The following NFIB variants were observed in gnomAD, a reference collection of about 807,000 sequenced individuals.
NFIB encodes nuclear factor I B.
NFIB carries 11 observed loss-of-function variants against 61.5 expected under a neutral mutation model. The observed-to-expected ratio is 0.18, with a 90% confidence interval of 0.11 to 0.30. NFIB has a LOEUF of 0.30. Ranked by LOEUF, NFIB falls within the 10% of genes least tolerant of loss-of-function variation. The probability of loss-of-function intolerance (pLI) is 1.00; values close to 1 mark genes in which losing one functional copy is unlikely to be tolerated. For missense variants in NFIB, 471 were observed against 608.9 expected (o/e 0.77, Z 2.38); for synonymous variants, 260 against 216.5 (o/e 1.20, Z -1.76).
chr9:14,289,618 TAC>T (rs570142167), intron 2 of NFIB, among the ~76,000 whole-genome samples: 1 of 151,842 alleles, frequency 6.6e-6, no homozygotes, highest in South Asian at 2.1e-4. Flanking sequence ...CATACATACA[TAC>T]ACACACATAT....
Position 14,113,169 on chromosome 9 carries a change from G to T in NFIB, c.1385-88C>A, listed in dbSNP as rs1334135228. 2.5e-6 allele frequency: 3 copies of T among 1,210,066 alleles called. No homozygotes were observed. The East Asian group carries it at 8.7e-5, about 35-fold the overall frequency. The allele number at this position is 1,210,066 out of a possible 1,614,324, so 75.0% of individuals were successfully genotyped here. The stretch of plus-strand genomic sequence containing the variant: ...CATGTATAAGAAACCCAGAGAAGTG[G>T]GATTTGCAACCAAAAAAAAAAAGTG... On this transcript the variant is annotated intron_variant, in intron 9 of 10. Coordinates refer to ENST00000380953, the MANE Select transcript of NFIB (RefSeq NM_001190737.2).
intron 2 of NFIB, among the ~76,000 whole-genome samples, chr9:14,302,731 A>T (rs1056183578): frequency 6.6e-6 from 1 of 150,980 alleles, no homozygotes; most frequent in African/African-American, 2.5e-5. Context: ...GGCCAATCCC[A>T]CTCCCGCCCC....
chr9:14,145,991 T>G (rs980265831), intron 6 of NFIB, among the ~76,000 whole-genome samples: 1 of 152,204 alleles, frequency 6.6e-6, no homozygotes, highest in Non-Finnish European at 1.5e-5. Flanking sequence ...TTAGCTAATT[T>G]TTCTATTTCC....
At chr9:14,523,162 C>G in the NFIB span, among the ~76,000 whole-genome samples, 22 of 151,922 alleles carry the variant, frequency 1.4e-4, no homozygotes, top group African/African-American at 4.8e-4. Context: ...AAAAGTGGGT[C>G]ATAAGAGTAG....
intron 2 of NFIB, among the ~76,000 whole-genome samples, chr9:14,255,234 G>C (rs548845439): frequency 6.6e-6 from 1 of 152,028 alleles, no homozygotes; most frequent in African/African-American, 2.4e-5. Context: ...AAAAAAGAAA[G>C]AAAGAAAGAA....
chr9:14,394,714 G>T (rs2061662472), intron 1 of NFIB, among the ~76,000 whole-genome samples: 1 of 152,126 alleles, frequency 6.6e-6, no homozygotes, highest in African/African-American at 2.4e-5. Flanking sequence ...CCTTCAAATG[G>T]CTTCCATGTC....
At chr9:14,365,505 A>G (rs1231733452) in intron 1 of NFIB, among the ~76,000 whole-genome samples, 1 of 152,236 alleles carries the variant, frequency 6.6e-6, no homozygotes, top group Admixed American at 6.5e-5. Context: ...GCCCTGTGGG[A>G]TAAGATCCCT....
chr9:14,259,412 T>G (rs2132218852), intron 2 of NFIB, among the ~76,000 whole-genome samples: 1 of 152,294 alleles, frequency 6.6e-6, no homozygotes. Context: ...ATCAAAATGG[T>G]CTAAGTTCCT....
At chr9:14,294,369 T>C (rs1308007694) in intron 2 of NFIB, among the ~76,000 whole-genome samples, 1 of 152,256 alleles carries the variant, frequency 6.6e-6, no homozygotes, top group East Asian at 1.9e-4. Flanking sequence ...AACAACCATG[T>C]ATACGCTCCC....
At chr9:14,245,507 C>T (rs1476865905) in intron 2 of NFIB, among the ~76,000 whole-genome samples, 2 of 151,968 alleles carry the variant, frequency 1.3e-5, no homozygotes, top group African/African-American at 4.8e-5. Context: ...AACCCTTTTG[C>T]TCTCAAGGTT....
chr9:14,368,062 G>T, intron 1 of NFIB, among the ~76,000 whole-genome samples: 1 of 151,966 alleles, frequency 6.6e-6, no homozygotes, highest in Non-Finnish European at 1.5e-5. Context: ...GTACACCATG[G>T]CACATGTACC....
intron 3 of NFIB, among the ~76,000 whole-genome samples, chr9:14,175,665 G>A (rs1396655656): frequency 6.6e-6 from 1 of 152,096 alleles, no homozygotes. Context: ...ACATGCATAA[G>A]TCAACACACA....
chr9:14,380,071 T>C (rs12341650), intron 1 of NFIB, among the ~76,000 whole-genome samples: 53,473 of 152,088 alleles, frequency 0.35, 9,849 homozygotes, highest in Middle Eastern at 0.41. Flanking sequence ...CTGCCATTAC[T>C]TCTTATTCAA....
At chr9:14,443,520 A>G in the NFIB span, among the ~76,000 whole-genome samples, 3 of 152,178 alleles carry the variant, frequency 2.0e-5, no homozygotes, top group South Asian at 6.2e-4. Flanking sequence ...GAGCCAGATG[A>G]AAACTGCGAT....
chr9:14,311,371 G>C (rs192443175), intron 1 of NFIB, among the ~76,000 whole-genome samples: 1 of 152,244 alleles, frequency 6.6e-6, no homozygotes, highest in East Asian at 1.9e-4. Flanking sequence ...TGATACAAAA[G>C]TGACACTATT....
rs2033165667 is a variant in NFIB at position 14,088,192 on chromosome 9, T to C, written c.*117A>G. The C allele has an allele frequency of 5.9e-6, 9 of 1,519,558 alleles. No homozygotes were observed. The highest frequency in any genetic ancestry group is 8.0e-6 in the Non-Finnish European group (9 of 1,129,596). 94.1% of individuals were successfully genotyped at this position (1,519,558 alleles called of 1,614,324 possible). ...TCTTAAACTATTGTTGTGTTTCTTT[T>C]TCCCTCAGTTGCTTGTTTCTGCTTG... is the stretch of plus-strand genomic sequence containing the variant. On this transcript the variant is annotated 3_prime_UTR_variant, in exon 11 of 11. Transcript: ENST00000380953.
chr9:14,346,789 TC>T (rs1190266871), intron 1 of NFIB, among the ~76,000 whole-genome samples: 1 of 152,102 alleles, frequency 6.6e-6, no homozygotes, highest in African/African-American at 2.4e-5. Context: ...GAGGGGGGGA[TC>T]TTTTCTATCT....
chr9:14,289,548 T>G (rs1448430138), intron 2 of NFIB, among the ~76,000 whole-genome samples: 1 of 150,250 alleles, frequency 6.7e-6, no homozygotes, highest in African/African-American at 2.4e-5. Context: ...CATATAGATA[T>G]AGATAGATAG....
the NFIB span, among the ~76,000 whole-genome samples, chr9:14,476,110 T>C: frequency 6.6e-6 from 1 of 152,164 alleles, no homozygotes; most frequent in Non-Finnish European, 1.5e-5. Context: ...GTGAAATCAA[T>C]AGTCTATCTG....
Sources: gnomAD v4.1 joint callset for allele counts (sites outside exome capture counted in the v4.1 genomes callset) on GRCh38, gnomAD v4.1.1 for gene constraint, MANE v1.5 for transcripts, NCBI Gene and HGNC (gene_info 2026-07-23, HGNC 2026-07-21) for gene names.